C8orf34: variants seen among roughly 807,000 people sequenced by gnomAD.
C8orf34 encodes uncharacterized protein C8orf34.
C8orf34 carries 65 observed loss-of-function variants against 68.3 expected under a neutral mutation model. The ratio of observed to expected loss-of-function variants is 0.95; its 90% CI spans 0.78 to 1.17. The LOEUF (loss-of-function observed/expected upper bound fraction) is 1.17. Ranked by LOEUF, C8orf34 falls within the 50% of genes most tolerant of loss-of-function variation. C8orf34 has a pLI of 0.00. For missense variants in C8orf34, 664 were observed against 655.4 expected (o/e 1.01, Z -0.14); for synonymous variants, 244 against 241.2 (o/e 1.01, Z -0.11).
chr8:68,740,217 C>A (rs148675632), intron 10 of C8orf34, among the ~76,000 whole-genome samples: 108 of 152,034 alleles, frequency 7.1e-4, no homozygotes, highest in Non-Finnish European at 7.4e-5. Context: ...GATAAAGATG[C>A]CAAAAGCAAT....
chr8:68,477,899 C>T lies in C8orf34; in HGVS notation c.736+9079C>T, dbSNP rs73264464. On this transcript the variant is annotated intron_variant, in intron 4 of 13. Transcript: ENST00000518698. ...ACCACTGGAGCTGAAACGGCTGGGA[C>T]GCAGGATGCCATGTCCTGAGGCTGC... Among the ~76,000 whole-genome samples the T allele has an allele frequency of 8.7e-3, 1,318 of 152,276 alleles. 20 individuals carry two copies. The highest frequency in any genetic ancestry group is 0.027 in the African/African-American group (1,132 of 41,562).
rs75580628 is a variant in C8orf34, at chr8:68,516,349, A to G, written c.766-5450A>G. 1.6e-4 allele frequency among the ~76,000 whole-genome samples: 24 copies of G among 152,240 alleles called. No individual in the cohort carries two copies. The East Asian group carries it at 4.6e-3, about 29-fold the overall frequency. ...GAATTATGCTATTTATTATGAGGGG[A>G]GCAAAGGAGTTTAAGATATGATCTC... On this transcript the variant is annotated intron_variant, in intron 5 of 13. Coordinates refer to ENST00000518698, the MANE Select transcript of C8orf34 (RefSeq NM_052958.4).
chr8:68,397,851 C>T (rs193069825), intron 1 of C8orf34, among the ~76,000 whole-genome samples: 2 of 152,272 alleles, frequency 1.3e-5, no homozygotes, highest in African/African-American at 4.8e-5. Context: ...TCACTGCAAC[C>T]TCCACCTCCT....
intron 1 of C8orf34, among the ~76,000 whole-genome samples, chr8:68,360,035 G>A (rs908063238): frequency 9.9e-5 from 15 of 152,124 alleles, no homozygotes; most frequent in African/African-American, 3.1e-4. Context: ...TGACAAAAAG[G>A]AACCAAAATA....
intron 12 of C8orf34, among the ~76,000 whole-genome samples, chr8:68,807,574 A>G (rs1824522939): frequency 6.6e-6 from 1 of 152,046 alleles, no homozygotes; most frequent in Non-Finnish European, 1.5e-5. Context: ...TTTAAAATCC[A>G]TGTTTGATAA....
chr8:68,349,695 C>T (rs946537525), intron 1 of C8orf34, among the ~76,000 whole-genome samples: 1 of 151,810 alleles, frequency 6.6e-6, no homozygotes, highest in South Asian at 2.1e-4. Context: ...CTCCCTTGCT[C>T]AGTCTTGTGA....
At chr8:68,497,093 G>A (rs192597200) in intron 5 of C8orf34, among the ~76,000 whole-genome samples, 5 of 152,230 alleles carry the variant, frequency 3.3e-5, no homozygotes, top group Admixed American at 3.3e-4. Context: ...AACTTGGAAA[G>A]TGACAACCCA....
At chr8:68,702,136 T>C (rs1821035592) in intron 8 of C8orf34, among the ~76,000 whole-genome samples, 1 of 152,068 alleles carries the variant, frequency 6.6e-6, no homozygotes. Context: ...TAATGTAATC[T>C]CCATGAGAAT....
intron 1 of C8orf34, among the ~76,000 whole-genome samples, chr8:68,372,335 C>T (rs890566433): frequency 6.6e-6 from 1 of 152,124 alleles, no homozygotes; most frequent in Non-Finnish European, 1.5e-5. Flanking sequence ...ACCCCTAAAG[C>T]CCAGGGAAAC....
intron 5 of C8orf34, among the ~76,000 whole-genome samples, chr8:68,494,049 T>C (rs1011348783): frequency 2.6e-5 from 4 of 152,184 alleles, no homozygotes; most frequent in African/African-American, 4.8e-5. Flanking sequence ...GCAAGATTTA[T>C]AGGAAATAAT....
At chr8:68,583,170 T>C (rs1817115452) in intron 7 of C8orf34, among the ~76,000 whole-genome samples, 1 of 152,110 alleles carries the variant, frequency 6.6e-6, no homozygotes, top group Admixed American at 6.6e-5. Context: ...GTGGTATATT[T>C]TGGTCTTTTA....
chr8:68,501,322 G>A (rs1376119821), intron 5 of C8orf34, among the ~76,000 whole-genome samples: 1 of 152,194 alleles, frequency 6.6e-6, no homozygotes, highest in Non-Finnish European at 1.5e-5. Context: ...AGCCAGAATA[G>A]GAAGGAGCAA....
chr8:68,464,056 C>G (rs1227366246), intron 3 of C8orf34, among the ~76,000 whole-genome samples: 1 of 151,870 alleles, frequency 6.6e-6, no homozygotes, highest in Non-Finnish European at 1.5e-5. Context: ...TTGTCTCAGC[C>G]CAAAATCTCC....
At chr8:68,552,736 TTC>T (rs1816115101) in intron 7 of C8orf34, among the ~76,000 whole-genome samples, 1 of 152,128 alleles carries the variant, frequency 6.6e-6, no homozygotes, top group South Asian at 2.1e-4. Flanking sequence ...CTTGAGAAAG[TTC>T]TCTTTTATTT....
chr8:68,517,173 A>G (rs1453395184), intron 5 of C8orf34, among the ~76,000 whole-genome samples: 1 of 152,166 alleles, frequency 6.6e-6, no homozygotes, highest in African/African-American at 2.4e-5. Context: ...TTGCTGTGTT[A>G]TGTTATATGA....
Position 68,593,832 on chromosome 8 carries a change from A to T in C8orf34, c.1106-46544A>T, listed in dbSNP as rs151149093. 3.6e-3 allele frequency among the ~76,000 whole-genome samples: 553 copies of T among 152,084 alleles called. 6 individuals are homozygous for T. Among genetic ancestry groups the T allele is most frequent in the African/African-American group, 0.013 (530 of 41,518 alleles). The stretch of plus-strand genomic sequence containing the variant: ...TTTTATTTCTTTAGTATTCATGGCT[A>T]TATTACCTTAAAGTTCTTGTTTTTT... On this transcript the variant is annotated intron_variant, in intron 7 of 13. Coordinates refer to ENST00000518698, the MANE Select transcript of C8orf34 (RefSeq NM_052958.4).
At chr8:68,784,302 A>G (rs946918658) in intron 11 of C8orf34, among the ~76,000 whole-genome samples, 4 of 152,282 alleles carry the variant, frequency 2.6e-5, no homozygotes, top group South Asian at 4.1e-4. Context: ...AGATTGGGTT[A>G]ACGTGTTTTT....
chr8:68,688,467 C>G (rs1554597629), intron 8 of C8orf34, among the ~76,000 whole-genome samples: 1 of 152,072 alleles, frequency 6.6e-6, no homozygotes, highest in Non-Finnish European at 1.5e-5. Flanking sequence ...AATCCCATTA[C>G]TGGGTATATA....
chr8:68,771,214 C>G (rs955196111), intron 10 of C8orf34, among the ~76,000 whole-genome samples: 8 of 152,266 alleles, frequency 5.3e-5, no homozygotes, highest in African/African-American at 1.9e-4. Context: ...AGTTTCTAAA[C>G]CACTGTACCT....
Sources: allele counts gnomAD v4.1 joint callset (sites outside exome capture counted in the v4.1 genomes callset), GRCh38; gene constraint gnomAD v4.1.1; transcripts MANE v1.5; gene names NCBI Gene and HGNC (gene_info 2026-07-23, HGNC 2026-07-21).